The following THSD7A variants were observed in gnomAD, a reference collection of about 807,000 sequenced individuals.
THSD7A encodes the protein thrombospondin type-1 domain-containing protein 7A.
THSD7A carries 96 observed loss-of-function variants against 231.3 expected under a neutral mutation model. That is an observed-to-expected ratio of 0.41 (90% CI 0.35 to 0.49). The LOEUF is 0.49. Among genes scored for constraint, THSD7A ranks in the 20% least tolerant of loss-of-function variants. The probability of loss-of-function intolerance (pLI) is 0.05; values close to 1 mark genes in which losing one functional copy is unlikely to be tolerated. For synonymous variants in THSD7A, 940 were observed against 743.3 expected, an observed-to-expected ratio of 1.26 and a Z score of -4.30; for missense variants, 2,290 against 2,070.2, an observed-to-expected ratio of 1.11 and a Z score of -2.06.
At chr7:11,385,662 T>G (rs139966985) in intron 23 of THSD7A, 2 of 152,256 alleles carry the variant, frequency 1.3e-5, no homozygotes, top group African/African-American at 2.4e-5. Context: ...TTATTAAATA[T>G]TAATTTGGTT....
chr7:11,651,621 G>T (rs568528582), intron 1 of THSD7A, among the ~76,000 whole-genome samples: 1 of 151,702 alleles, frequency 6.6e-6, no homozygotes, highest in Non-Finnish European at 1.5e-5. Context: ...TTACCTCAAG[G>T]TTCTAAGGAG....
chr7:11,509,821 C>CAAAAAAAAAAAAAAAAAAAA lies in THSD7A; in HGVS notation c.1823-27840_1823-27839insTTTTTTTTTTTTTTTTTTTT, dbSNP rs751048602. On this transcript the variant is annotated intron_variant, in intron 6 of 27. Coordinates refer to ENST00000423059, the MANE Select transcript of THSD7A (RefSeq NM_015204.3). The stretch of plus-strand genomic sequence containing the variant: ...TGGGCGACAGAGCCAGAGTCCGTCT[C>CAAAAAAAAAAAAAAAAAAAA]AAAAAAAAAAAAAAATAACATCTGA... Among the ~76,000 whole-genome samples the CAAAAAAAAAAAAAAAAAAAA allele has an allele frequency of 3.1e-3, 125 of 39,848 alleles. 6 individuals are homozygous for CAAAAAAAAAAAAAAAAAAAA. Among genetic ancestry groups the CAAAAAAAAAAAAAAAAAAAA allele is most frequent in the East Asian group, 0.02 (36 of 1,784 alleles). The allele number at this position is 39,848 out of a possible 152,430, so 26.1% of individuals were successfully genotyped here.
At chr7:11,655,062 C>T (rs567237894) in intron 1 of THSD7A, among the ~76,000 whole-genome samples, 1 of 151,748 alleles carries the variant, frequency 6.6e-6, no homozygotes, top group Non-Finnish European at 1.5e-5. Context: ...ATTATCTAAG[C>T]CAGGGTCAGA....
At chr7:11,648,965 A>G (rs1019094668) in intron 1 of THSD7A, among the ~76,000 whole-genome samples, 2 of 152,012 alleles carry the variant, frequency 1.3e-5, no homozygotes, top group Non-Finnish European at 1.5e-5. Context: ...CCAGTCTCCA[A>G]GATGATTCCA....
At chr7:11,748,632 G>A (rs1007429261) in intron 1 of THSD7A, among the ~76,000 whole-genome samples, 3 of 151,908 alleles carry the variant, frequency 2.0e-5, no homozygotes, top group Non-Finnish European at 4.4e-5. Context: ...GATTATTAAA[G>A]CTATAAACTT....
chr7:11,824,744 T>C (rs971444834), intron 1 of THSD7A, among the ~76,000 whole-genome samples: 1 of 152,102 alleles, frequency 6.6e-6, no homozygotes, highest in Non-Finnish European at 1.5e-5. Context: ...CAAACTGCAG[T>C]GGTTTTTAAA....
intron 1 of THSD7A, among the ~76,000 whole-genome samples, chr7:11,653,044 T>C (rs1408908597): frequency 6.6e-6 from 1 of 151,958 alleles, no homozygotes; most frequent in East Asian, 1.9e-4. Flanking sequence ...GAGATTTATA[T>C]GGCATTTATT....
chr7:11,672,643 T>A (rs182501545), intron 1 of THSD7A, among the ~76,000 whole-genome samples: 6 of 152,190 alleles, frequency 3.9e-5, no homozygotes, highest in Admixed American at 2.0e-4. Context: ...AGAATTTTAA[T>A]TTGATTTCAT....
chr7:11,803,449 A>G (rs1301040349), intron 1 of THSD7A, among the ~76,000 whole-genome samples: 1 of 152,152 alleles, frequency 6.6e-6, no homozygotes, highest in African/African-American at 2.4e-5. Context: ...AATGAAGCTA[A>G]AAGACTCTCC....
chr7:11,493,050 T>A (rs1274590257), intron 6 of THSD7A, among the ~76,000 whole-genome samples: 1 of 152,148 alleles, frequency 6.6e-6, no homozygotes, highest in Non-Finnish European at 1.5e-5. Flanking sequence ...GCCCATTTCA[T>A]CAACAGTTAG....
intron 6 of THSD7A, among the ~76,000 whole-genome samples, chr7:11,485,454 T>A (rs1247392466): frequency 6.6e-6 from 1 of 152,248 alleles, no homozygotes; most frequent in Non-Finnish European, 1.5e-5. Flanking sequence ...TGAATGCCCA[T>A]CTTCTGTCAG....
intron 1 of THSD7A, among the ~76,000 whole-genome samples, chr7:11,792,377 C>T (rs1478526453): frequency 2.6e-5 from 4 of 151,944 alleles, no homozygotes; most frequent in Non-Finnish European, 5.9e-5. Context: ...CCGTTGCAAA[C>T]TGCTTTTCAT....
rs1021457870 is a variant in THSD7A, at chr7:11,417,640, A to T, written c.3384-37T>A. On this transcript the variant is annotated intron_variant, in intron 16 of 27. Coordinates refer to ENST00000423059, the MANE Select transcript of THSD7A (RefSeq NM_015204.3). ...CATAAACATATTCTAGAAAATATACATACATTCTAGAAGTAAAGAAAACAG... is the reference window on the plus strand; with the variant it reads ...CATAAACATATTCTAGAAAATATACTTACATTCTAGAAGTAAAGAAAACAG... The T allele has an allele frequency of 3.8e-6, 6 of 1,581,602 alleles. No homozygotes were observed. In the Admixed American group the frequency reaches 5.6e-5, roughly 15 times the overall value.
At chr7:11,519,895 A>C (rs542036998) in intron 6 of THSD7A, among the ~76,000 whole-genome samples, 8 of 152,208 alleles carry the variant, frequency 5.3e-5, no homozygotes, top group Admixed American at 5.2e-4. Context: ...CTTCAAATTT[A>C]TTTTCAAACT....
Position 11,380,229 on chromosome 7 carries a change from A to C in THSD7A, c.4508-517T>G, listed in dbSNP as rs540947384. On this transcript the variant is annotated intron_variant, in intron 24 of 27. Transcript: ENST00000423059. ...TCATGGTGTTTTTTGGATATAGAGA[A>C]GAAAACAAATGTATCTACGAAATCA... Among the ~76,000 whole-genome samples, 82 of 152,326 alleles carry C rather than the reference A, an allele frequency of 5.4e-4. 1 individual carries two copies. Among genetic ancestry groups the C allele is most frequent in the African/African-American group, 1.9e-3 (80 of 41,574 alleles).
chr7:11,703,226 G>C (rs1407954664), intron 1 of THSD7A, among the ~76,000 whole-genome samples: 1 of 151,216 alleles, frequency 6.6e-6, no homozygotes, highest in African/African-American at 2.4e-5. Context: ...GAAGAGGCTA[G>C]AAAATATTTT....
chr7:11,688,825 CTT>C (rs1311050906), intron 1 of THSD7A, among the ~76,000 whole-genome samples: 3 of 151,772 alleles, frequency 2.0e-5, no homozygotes, highest in African/African-American at 7.3e-5. Context: ...CTGCACTCAT[CTT>C]GCATTATCTC....
Position 11,406,468 on chromosome 7 carries a change from G to C in THSD7A, c.4069C>G (p.Gln1357Glu). Reference sequence around the variant, plus strand: ...CTTGTTCTGGTCCCTTCTCCACACTGGGCCTCCTGGAATGGAGGAAGAAAT... The same window carrying C: ...CTTGTTCTGGTCCCTTCTCCACACTCGGCCTCCTGGAATGGAGGAAGAAAT... ...QWSPCQVQEAQCGEGTRTRNI... is the reference protein window; with the variant it reads ...QWSPCQVQEAECGEGTRTRNI... Residue 1357 changes from glutamine (Q) to glutamate (E), a missense_variant, in exon 22 of 28, where the codon CAG becomes GAG. Coordinates refer to ENST00000423059, the MANE Select transcript of THSD7A (RefSeq NM_015204.3). This position sits in a 1 kb window ranked among gnomAD's most constrained non-coding sequence, Gnocchi z 4.7. 1.9e-6 allele frequency: 3 copies of C among 1,606,522 alleles called. No homozygotes were observed. The South Asian group carries it at 3.4e-5, about 18-fold the overall frequency.
At chr7:11,825,508 G>C (rs866084905) in intron 1 of THSD7A, among the ~76,000 whole-genome samples, 1 of 152,022 alleles carries the variant, frequency 6.6e-6, no homozygotes, top group Non-Finnish European at 1.5e-5. Flanking sequence ...TTAAGAGAAG[G>C]CTAATGCACA....
Sources: gnomAD v4.1 joint callset for allele counts (sites outside exome capture counted in the v4.1 genomes callset) on GRCh38, gnomAD v4.1.1 for gene constraint, Gnocchi (gnomAD v3.1) non-coding constraint, MANE v1.5 for transcripts, NCBI Gene and HGNC (gene_info 2026-07-23, HGNC 2026-07-21) for gene names.